Variants in TANC2 observed in about 807,000 individuals in gnomAD.
TANC2 encodes the protein protein TANC2.
In TANC2, 26 loss-of-function variants were observed where a neutral mutation model predicts 210.5. The ratio of observed to expected loss-of-function variants is 0.12; its 90% CI spans 0.09 to 0.17. TANC2 has a LOEUF of 0.17. Among genes scored for constraint, TANC2 ranks in the 10% least tolerant of loss-of-function variants. The pLI, the probability that TANC2 is intolerant of heterozygous loss-of-function variation, is 1.00. For synonymous variants in TANC2, 931 were observed against 967.1 expected, an observed-to-expected ratio of 0.96 and a Z score of 0.69; for missense variants, 2,129 against 2,608.9, an observed-to-expected ratio of 0.82 and a Z score of 4.01.
chr17:63,329,303 T>G (rs981416498), intron 11 of TANC2, among the ~76,000 whole-genome samples: 1 of 151,414 alleles, frequency 6.6e-6, no homozygotes, highest in Non-Finnish European at 1.5e-5. Context: ...GACCAAAACA[T>G]GATGAAAAAA....
chr17:63,379,950 C>T, intron 15 of TANC2, 124 bp downstream of exon 15: 3 of 733,286 alleles, frequency 4.1e-6, no homozygotes, highest in Middle Eastern at 2.5e-4. Context: ...CTTGGTTCAT[C>T]TCCCAACACG....
chr17:63,255,108 T>TTA (rs2043155881), intron 8 of TANC2, among the ~76,000 whole-genome samples: 1 of 142,282 alleles, frequency 7.0e-6, no homozygotes, highest in African/African-American at 3.0e-5. Context: ...TATTTATTTT[T>TTA]ATTTATTTAT....
intron 1 of TANC2, among the ~76,000 whole-genome samples, chr17:62,996,386 C>A (rs1279056003): frequency 6.6e-6 from 1 of 152,242 alleles, no homozygotes; most frequent in Non-Finnish European, 1.5e-5. Context: ...CATGTTTCAA[C>A]CACTCATAGA....
At chr17:63,220,824 GTATA>G (rs2042165341) in intron 7 of TANC2, among the ~76,000 whole-genome samples, 1 of 147,906 alleles carries the variant, frequency 6.8e-6, no homozygotes, top group African/African-American at 2.5e-5. Context: ...ATATATACGT[GTATA>G]TGTATATATG....
chr17:63,335,658 G>A (rs546482504), intron 11 of TANC2, among the ~76,000 whole-genome samples: 2 of 151,094 alleles, frequency 1.3e-5, no homozygotes, highest in African/African-American at 4.8e-5. Flanking sequence ...AAAGACTAAG[G>A]ATCTCTTACA....
chr17:62,996,602 G>A (rs537565544), intron 1 of TANC2, among the ~76,000 whole-genome samples: 11 of 152,056 alleles, frequency 7.2e-5, no homozygotes, highest in East Asian at 5.8e-4. Context: ...AATTAAACTC[G>A]TTTAAATTTA....
intron 9 of TANC2, among the ~76,000 whole-genome samples, chr17:63,291,449 A>G (rs1379819035): frequency 6.6e-6 from 1 of 152,138 alleles, no homozygotes; most frequent in Non-Finnish European, 1.5e-5. Flanking sequence ...GAATGTACAT[A>G]CCCTCTGACA....
chr17:63,234,400 A>G (rs913316196), intron 7 of TANC2, among the ~76,000 whole-genome samples: 1 of 152,202 alleles, frequency 6.6e-6, no homozygotes, highest in Non-Finnish European at 1.5e-5. Flanking sequence ...CATTGGTAAC[A>G]ATATTTTTAA....
At chr17:63,427,587 G>A (rs2049173981) in exon 28 of TANC2, 1 of 152,258 alleles carries the variant, frequency 6.6e-6, no homozygotes, top group Admixed American at 6.5e-5. Flanking sequence ...TGAGATAGAT[G>A]TGAAAAGTTC....
intron 1 of TANC2, among the ~76,000 whole-genome samples, chr17:62,991,150 G>T (rs1451306230): frequency 6.6e-6 from 1 of 152,114 alleles, no homozygotes; most frequent in African/African-American, 2.4e-5. Context: ...TGGGGGTTTG[G>T]TGGGAGAGTG....
intron 11 of TANC2, among the ~76,000 whole-genome samples, chr17:63,326,530 T>C (rs1262148377): frequency 1.3e-5 from 2 of 151,982 alleles, no homozygotes; most frequent in African/African-American, 4.8e-5. Context: ...GAAAAAATTT[T>C]ACCAGCCTGG....
chr17:63,389,660 G>A, intron 17 of TANC2, 116 bp downstream of exon 17: 2 of 1,021,022 alleles, frequency 2.0e-6, no homozygotes, highest in East Asian at 2.6e-5. Context: ...AAACCATGAT[G>A]GAGAGGAGAT....
At chr17:62,969,957 ATT>A in intron 1 of TANC2, among the ~76,000 whole-genome samples, 1 of 152,322 alleles carries the variant, frequency 6.6e-6, no homozygotes, top group East Asian at 1.9e-4. Flanking sequence ...ACACTTAAAC[ATT>A]GTTTTATAAG....
exon 19 of TANC2, chr17:63,398,914 G>C: frequency 6.3e-7 from 1 of 1,584,964 alleles, no homozygotes; most frequent in East Asian, 2.3e-5. Context: ...GGGAGAGACA[G>C]GTACCTCTCA....
chr17:63,288,287 TTCTC>T (rs1309451662), intron 9 of TANC2, among the ~76,000 whole-genome samples: 1 of 152,180 alleles, frequency 6.6e-6, no homozygotes, highest in Non-Finnish European at 1.5e-5. Flanking sequence ...TCTGACTGGG[TTCTC>T]TCTCTTTGCA....
chr17:63,037,589 G>A (rs549434026), intron 2 of TANC2, among the ~76,000 whole-genome samples: 2 of 151,978 alleles, frequency 1.3e-5, no homozygotes, highest in Non-Finnish European at 2.9e-5. Flanking sequence ...TGAGGCAGGC[G>A]GATTACCTGA....
At chr17:63,042,308 A>G (rs2035219524) in intron 2 of TANC2, among the ~76,000 whole-genome samples, 1 of 152,142 alleles carries the variant, frequency 6.6e-6, no homozygotes, top group South Asian at 2.1e-4. Context: ...ATCATAAAAT[A>G]AAGCATATTA....
intron 8 of TANC2, among the ~76,000 whole-genome samples, chr17:63,257,210 G>A (rs933349306): frequency 2.8e-4 from 42 of 150,806 alleles, no homozygotes; most frequent in African/African-American, 9.5e-4. Context: ...TCATTGTTTT[G>A]TGTTCTTCTT....
intron 4 of TANC2, among the ~76,000 whole-genome samples, chr17:63,101,155 C>T (rs1034110483): frequency 3.3e-5 from 5 of 152,156 alleles, no homozygotes; most frequent in Non-Finnish European, 7.4e-5. Flanking sequence ...ATAAAAACCT[C>T]AGTAGATTAT....
Sources: gnomAD v4.1 joint callset for allele counts (sites outside exome capture counted in the v4.1 genomes callset) on GRCh38, gnomAD v4.1.1 for gene constraint, MANE v1.5 for transcripts, NCBI Gene and HGNC (gene_info 2026-07-23, HGNC 2026-07-21) for gene names.